Variants in GPHN observed in about 807,000 individuals in gnomAD.
GPHN encodes the protein gephyrin.
Under a neutral mutation model 95.5 loss-of-function variants are expected in GPHN, and 17 were observed. The ratio of observed to expected loss-of-function variants is 0.18; its 90% CI spans 0.12 to 0.27. The LOEUF (loss-of-function observed/expected upper bound fraction) is 0.27. GPHN is among the 10% of genes least tolerant of loss of function. GPHN has a pLI of 1.00. For missense variants in GPHN, 660 were observed against 978.1 expected (o/e 0.67, Z 4.34); for synonymous variants, 320 against 322.5 (o/e 0.99, Z 0.08).
chr14:67,360,977 A>C, the GPHN span, among the ~76,000 whole-genome samples: 1 of 152,174 alleles, frequency 6.6e-6, no homozygotes, highest in African/African-American at 2.4e-5. Context: ...GTAGTTTTTC[A>C]TCTGATAATT....
At chr14:66,891,097 A>G (rs2064471475) in intron 5 of GPHN, among the ~76,000 whole-genome samples, 2 of 152,134 alleles carry the variant, frequency 1.3e-5, no homozygotes, top group African/African-American at 2.4e-5. Flanking sequence ...TAGGCAATAA[A>G]CAGAAATGAA....
chr14:67,357,684 A>G, the GPHN span, among the ~76,000 whole-genome samples: 3 of 152,238 alleles, frequency 2.0e-5, no homozygotes, highest in Non-Finnish European at 4.4e-5. Context: ...ATAGTAGGGG[A>G]AAGGGCTGAG....
intron 2 of GPHN, among the ~76,000 whole-genome samples, chr14:66,774,608 T>C (rs117906257): frequency 0.012 from 1,838 of 152,318 alleles, 19 homozygotes; most frequent in Non-Finnish European, 0.018. Context: ...ATTCCACTTA[T>C]ATTGTTTAAT....
intron 8 of GPHN, among the ~76,000 whole-genome samples, chr14:66,946,680 G>C (rs1489554039): frequency 1.3e-5 from 2 of 152,166 alleles, no homozygotes; most frequent in Non-Finnish European, 2.9e-5. Context: ...TCGGATTACA[G>C]ACGTGAGCCA....
chr14:66,875,421 T>C (rs2063611624), intron 4 of GPHN, among the ~76,000 whole-genome samples: 1 of 151,848 alleles, frequency 6.6e-6, no homozygotes, highest in Non-Finnish European at 1.5e-5. Flanking sequence ...TAACCTTAAA[T>C]GTAAATGGGC....
chr14:67,430,200 A>G, the GPHN span, among the ~76,000 whole-genome samples: 1 of 152,146 alleles, frequency 6.6e-6, no homozygotes, highest in Non-Finnish European at 1.5e-5. Context: ...AAAACCACAG[A>G]GCTTGGATGA....
At chr14:67,582,017 T>G in the GPHN span, 8 of 1,562,740 alleles carry the variant, frequency 5.1e-6, no homozygotes, top group African/African-American at 1.1e-4. The surrounding 1 kb of genome is among the most constrained non-coding windows in gnomAD (Gnocchi z 5.0). Flanking sequence ...GAAAGCCCCA[T>G]CCCTGTTTGG....
chr14:67,111,141 A>T (rs761215719), intron 14 of GPHN, among the ~76,000 whole-genome samples: 2 of 152,188 alleles, frequency 1.3e-5, no homozygotes, highest in Non-Finnish European at 2.9e-5. Flanking sequence ...TGATCTGGAG[A>T]TTTTCTTTTT....
intron 4 of GPHN, among the ~76,000 whole-genome samples, chr14:66,872,238 A>T (rs944107791): frequency 6.6e-6 from 1 of 152,230 alleles, no homozygotes; most frequent in Non-Finnish European, 1.5e-5. Flanking sequence ...GTAGCATTCT[A>T]CTTTCAAAGA....
the GPHN span, among the ~76,000 whole-genome samples, chr14:67,711,070 G>A: frequency 6.6e-6 from 1 of 152,118 alleles, no homozygotes; most frequent in African/African-American, 2.4e-5. Flanking sequence ...ATTTTGAGAG[G>A]AACTTAGTTT....
intron 21 of GPHN, among the ~76,000 whole-genome samples, chr14:67,173,339 A>G (rs558706384): frequency 1.3e-5 from 2 of 152,272 alleles, no homozygotes; most frequent in East Asian, 3.9e-4. Context: ...GAAAATAAGA[A>G]TAAGGAAGAC....
At chr14:67,670,028 A>G in the GPHN span, among the ~76,000 whole-genome samples, 1 of 152,160 alleles carries the variant, frequency 6.6e-6, no homozygotes, top group Non-Finnish European at 1.5e-5. Flanking sequence ...CCGGGAAGCC[A>G]AGGCTGCAGT....
At chr14:67,562,481 GA>G in the GPHN span, 4 of 1,613,654 alleles carry the variant, frequency 2.5e-6, no homozygotes, top group Non-Finnish European at 3.4e-6. Context: ...TTCCTGGGGT[GA>G]GGGTCTGGTT....
At chr14:67,548,196 A>T in the GPHN span, among the ~76,000 whole-genome samples, 1 of 152,236 alleles carries the variant, frequency 6.6e-6, no homozygotes, top group South Asian at 2.1e-4. Flanking sequence ...GGATATTAAA[A>T]TGTGATTCTT....
chr14:67,428,977 C>T, the GPHN span, among the ~76,000 whole-genome samples: 424 of 152,228 alleles, frequency 2.8e-3, 3 homozygotes, highest in African/African-American at 9.8e-3. Context: ...ATGGAATTTT[C>T]CCATTAGAGT....
At chr14:67,331,688 A>G in the GPHN span, among the ~76,000 whole-genome samples, 12,271 of 152,232 alleles carry the variant, frequency 0.081, 1,170 homozygotes, top group African/African-American at 0.23. Flanking sequence ...CACAAAATGG[A>G]ATAACAATGC....
the GPHN span, among the ~76,000 whole-genome samples, chr14:67,683,282 TA>T: frequency 6.6e-6 from 1 of 151,890 alleles, no homozygotes; most frequent in Non-Finnish European, 1.5e-5. Flanking sequence ...GATAAAGGGT[TA>T]TTTTTTTTTT....
chr14:66,880,240 T>C (rs1446137409), intron 5 of GPHN, among the ~76,000 whole-genome samples: 1 of 152,080 alleles, frequency 6.6e-6, no homozygotes, highest in African/African-American at 2.4e-5. Flanking sequence ...CAATACACTA[T>C]ATTGATGAAC....
intron 2 of GPHN, among the ~76,000 whole-genome samples, chr14:66,726,414 CTAGTA>C (rs2071241880): frequency 2.0e-5 from 3 of 152,114 alleles, no homozygotes; most frequent in Admixed American, 2.0e-4. Flanking sequence ...TGATAAAAGT[CTAGTA>C]TATTTTACTA....
Sources: allele counts gnomAD v4.1 joint callset (sites outside exome capture counted in the v4.1 genomes callset), GRCh38; gene constraint gnomAD v4.1.1; non-coding constraint Gnocchi (gnomAD v3.1); transcripts MANE v1.5; gene names NCBI Gene and HGNC (gene_info 2026-07-23, HGNC 2026-07-21).